ARAP2: variants seen among roughly 807,000 people sequenced by gnomAD.
ARAP2 encodes ArfGAP with RhoGAP domain, ankyrin repeat and PH domain 2.
Under a neutral mutation model 194.5 loss-of-function variants are expected in ARAP2, and 148 were observed. That is an observed-to-expected ratio of 0.76 (90% CI 0.67 to 0.87). ARAP2 has a LOEUF of 0.87. Among genes scored for constraint, ARAP2 ranks in the 40% least tolerant of loss-of-function variants. The pLI is 0.00. For missense variants in ARAP2, 2,128 were observed against 1,989.7 expected (o/e 1.07, Z -1.32); for synonymous variants, 695 against 683.5 (o/e 1.02, Z -0.26).
intron 1 of ARAP2, among the ~76,000 whole-genome samples, chr4:36,239,700 T>C (rs1753145096): frequency 6.6e-6 from 1 of 152,208 alleles, no homozygotes; most frequent in Admixed American, 6.5e-5. Context: ...TTCACAGCAT[T>C]GTAAATATAC....
In ARAP2 at chr4:36,129,455, AC is replaced by A. The variant is rs1197431391; in HGVS notation, c.3428-711del. ...GCCCAATCCCCATTCTGTTGGGGTCACCCTTCATCAATAATATTAACAATGT... is the reference window on the plus strand; with the variant it reads ...GCCCAATCCCCATTCTGTTGGGGTCACCTTCATCAATAATATTAACAATGT... On this transcript the variant is annotated intron_variant, in intron 20 of 32. Transcript: ENST00000303965. Among the ~76,000 whole-genome samples the A allele has an allele frequency of 2.6e-5, 4 of 151,840 alleles. No individual in the cohort carries two copies. In the East Asian group the frequency reaches 7.8e-4, roughly 30 times the overall value.
At chr4:36,059,738 T>C (rs1043801275) in intron 1 of ARAP2, among the ~76,000 whole-genome samples, 10 of 152,084 alleles carry the variant, frequency 6.6e-5, no homozygotes, top group African/African-American at 2.4e-4. Context: ...GACAGTAGGA[T>C]CCTAGAGACC....
chr4:36,114,661 C>G (rs1200270858), intron 25 of ARAP2, among the ~76,000 whole-genome samples: 1 of 151,914 alleles, frequency 6.6e-6, no homozygotes, highest in Admixed American at 6.6e-5. Flanking sequence ...TGTAGAGTGA[C>G]TTGGTTTATT....
intron 15 of ARAP2, among the ~76,000 whole-genome samples, chr4:36,157,251 A>G (rs994941197): frequency 7.2e-5 from 11 of 152,186 alleles, no homozygotes; most frequent in African/African-American, 2.7e-4. Context: ...ATTCTCCTAA[A>G]CTTTTATGAA....
In ARAP2 at chr4:36,091,950, A is replaced by G; in HGVS notation, c.4356T>C (p.Ser1452=). ...AATACCGGTCTTGAAACTTATTTCC[A>G]GATAGTATTTTGGATGGTTCTTCTT... ...KIKEEPSKIL[S]GNKFQDRYFV... is the part of the protein sequence containing the mutation. Residue 1452 remains serine, a synonymous_variant, in exon 28 of 33, where the codon TCT becomes TCC. Transcript: ENST00000303965. 6.2e-7 allele frequency: 1 copy of G among 1,609,004 alleles called. No individual in the cohort carries two copies. The highest frequency in any genetic ancestry group is 8.5e-7 in the Non-Finnish European group (1 of 1,176,372).
At chr4:36,049,068 T>C (rs78208844) in intron 3 of ARAP2, among the ~76,000 whole-genome samples, 8,567 of 152,126 alleles carry the variant, frequency 0.056, 315 homozygotes, top group East Asian at 0.095. Context: ...TTTGTTCTTC[T>C]TTCTCAGGAT....
At position 36,092,827 on chromosome 4, in the gene ARAP2, AT is replaced by A. The variant is rs1322219569; in HGVS notation, c.4286-808del. On this transcript the variant is annotated intron_variant, in intron 27 of 32. Transcript: ENST00000303965. ...AACCCCACTGGTATAAACAATGCAA[AT>A]GCGCAGATAAAAAAGGAAACACCTT... Among the ~76,000 whole-genome samples, 4 of 152,120 alleles carry A rather than the reference AT, an allele frequency of 2.6e-5. No homozygotes were observed. The East Asian group carries it at 7.7e-4, about 29-fold the overall frequency.
chr4:36,087,383 C>T (rs1712176864), intron 28 of ARAP2, among the ~76,000 whole-genome samples: 1 of 152,040 alleles, frequency 6.6e-6, no homozygotes, highest in Non-Finnish European at 1.5e-5. Context: ...CTTTCAAATG[C>T]TTAATAATCA....
At chr4:36,049,572 A>C (rs1409215490) in intron 3 of ARAP2, among the ~76,000 whole-genome samples, 6 of 152,200 alleles carry the variant, frequency 3.9e-5, no homozygotes, top group Non-Finnish European at 2.9e-5. Context: ...TGATTCACAA[A>C]TTCTGCTATT....
intron 13 of ARAP2, 174 bp downstream of exon 13, chr4:36,160,285 T>C (rs1403331798): frequency 4.9e-6 from 6 of 1,217,310 alleles, no homozygotes; most frequent in South Asian, 2.6e-5. Context: ...CTTTTGACAA[T>C]GAATCCTTAA....
At chr4:36,218,396 T>A (rs901224150) in intron 2 of ARAP2, among the ~76,000 whole-genome samples, 1 of 152,106 alleles carries the variant, frequency 6.6e-6, no homozygotes, top group East Asian at 1.9e-4. Context: ...GACACAAGTT[T>A]ACTTATATAA....
intron 5 of ARAP2, among the ~76,000 whole-genome samples, chr4:36,021,189 G>T (rs1716876405): frequency 6.6e-6 from 1 of 152,162 alleles, no homozygotes; most frequent in African/African-American, 2.4e-5. Context: ...CATATGAGTT[G>T]CAAGCAGTCA....
intron 5 of ARAP2, among the ~76,000 whole-genome samples, chr4:36,026,711 C>T (rs1196638412): frequency 1.3e-5 from 2 of 152,206 alleles, no homozygotes; most frequent in East Asian, 3.8e-4. Flanking sequence ...TTCTTGGGTG[C>T]ATGGTGTACG....
At chr4:36,188,622 A>G (rs1385025537) in intron 7 of ARAP2, among the ~76,000 whole-genome samples, 1 of 152,202 alleles carries the variant, frequency 6.6e-6, no homozygotes, top group East Asian at 1.9e-4. Context: ...GATAACGCAT[A>G]CCAAGGACAC....
At chr4:36,071,827 T>C (rs935047006) in intron 32 of ARAP2, among the ~76,000 whole-genome samples, 1 of 151,702 alleles carries the variant, frequency 6.6e-6, no homozygotes, top group Non-Finnish European at 1.5e-5. Flanking sequence ...ATTAGGTATA[T>C]CTCCCAATGC....
chr4:36,218,106 TA>T lies in ARAP2; in HGVS notation c.906-3627del, dbSNP rs1470590687. On this transcript the variant is annotated intron_variant, in intron 2 of 32. Coordinates refer to ENST00000303965, the MANE Select transcript of ARAP2 (RefSeq NM_015230.4). ...AGCTGTAGTAATTAAAACACTATATTACTGATAAAAAGGATAACAGACTATT... is the reference window on the plus strand; with the variant it reads ...AGCTGTAGTAATTAAAACACTATATTCTGATAAAAAGGATAACAGACTATT... Among the ~76,000 whole-genome samples the T allele has an allele frequency of 1.5e-4, 23 of 152,212 alleles. No individual in the cohort carries two copies. In the East Asian group the frequency reaches 3.9e-3, roughly 26 times the overall value.
At chr4:36,134,250 C>T (rs1726117894) in intron 19 of ARAP2, among the ~76,000 whole-genome samples, 1 of 151,684 alleles carries the variant, frequency 6.6e-6, no homozygotes, top group African/African-American at 2.4e-5. Flanking sequence ...GCATCTTCAC[C>T]TTAATGTGCA....
intron 5 of ARAP2, among the ~76,000 whole-genome samples, chr4:36,045,013 A>C (rs561545779): frequency 6.6e-6 from 1 of 152,290 alleles, no homozygotes; most frequent in Non-Finnish European, 1.5e-5. Flanking sequence ...TCAACTCATC[A>C]TACCTGTTAG....
intron 1 of ARAP2, among the ~76,000 whole-genome samples, chr4:36,059,478 C>T (rs373017650): frequency 1.3e-4 from 20 of 152,050 alleles, no homozygotes; most frequent in East Asian, 7.7e-4. Flanking sequence ...ACCTGAGTCC[C>T]GGACAAGGAA....
Sources: gnomAD v4.1 joint callset for allele counts (sites outside exome capture counted in the v4.1 genomes callset) on GRCh38, gnomAD v4.1.1 for gene constraint, MANE v1.5 for transcripts, NCBI Gene and HGNC (gene_info 2026-07-23, HGNC 2026-07-21) for gene names.